The following CA8 variants were observed in gnomAD, a reference collection of about 807,000 sequenced individuals.
The protein encoded by CA8 is carbonic anhydrase-related protein.
In CA8, 22 loss-of-function variants were observed where a neutral mutation model predicts 41.4. That is an observed-to-expected ratio of 0.53 (90% CI 0.38 to 0.76). CA8 has a LOEUF of 0.76. Ranked by LOEUF, CA8 falls within the 30% of genes least tolerant of loss-of-function variation. CA8 has a pLI of 0.00. For synonymous variants in CA8, 121 were observed against 130.6 expected (o/e 0.93, Z 0.50); for missense variants, 270 against 352.8 (o/e 0.77, Z 1.88).
intron 7 of CA8, among the ~76,000 whole-genome samples, chr8:60,217,676 G>C (rs567525940): frequency 1.3e-5 from 2 of 152,282 alleles, no homozygotes; most frequent in African/African-American, 2.4e-5. Context: ...CATGAAGGCT[G>C]CTCTTCCTCC....
At chr8:60,245,608 AACTTATTTTAAAGG>A (rs1437206571) in intron 3 of CA8, among the ~76,000 whole-genome samples, 4 of 152,230 alleles carry the variant, frequency 2.6e-5, no homozygotes, top group African/African-American at 9.6e-5. Context: ...ATAGGCAATC[AACTTATTTTAAAGG>A]ACATTCTAGA....
At chr8:60,258,221 A>C (rs1398673783) in intron 3 of CA8, among the ~76,000 whole-genome samples, 1 of 152,226 alleles carries the variant, frequency 6.6e-6, no homozygotes, top group Non-Finnish European at 1.5e-5. Flanking sequence ...TTACTAAATA[A>C]CAGTCCTAAA....
intron 2 of CA8, among the ~76,000 whole-genome samples, chr8:60,275,274 T>C (rs868183730): frequency 6.6e-6 from 1 of 152,086 alleles, no homozygotes; most frequent in African/African-American, 2.4e-5. Flanking sequence ...GACTCATTCT[T>C]AAATAGGAAC....
chr8:60,252,527 G>C (rs1183830919), intron 3 of CA8, among the ~76,000 whole-genome samples: 3 of 152,186 alleles, frequency 2.0e-5, no homozygotes, highest in Admixed American at 1.3e-4. Context: ...TGGGGAGGGA[G>C]ATCAGCACTG....
At position 60,278,429 on chromosome 8, in the gene CA8, G is replaced by A. The variant is rs541359275; in HGVS notation, c.292+1260C>T. Among the ~76,000 whole-genome samples the A allele has an allele frequency of 5.9e-5, 9 of 152,212 alleles. No homozygotes were observed. The South Asian group carries it at 1.2e-3, about 21-fold the overall frequency. ...TGTGGATATATAAACATTTATTTCC[G>A]GAAGTTCAAAGCATCTCAACACATC... On this transcript the variant is annotated intron_variant, in intron 2 of 8. Coordinates refer to ENST00000317995, the MANE Select transcript of CA8 (RefSeq NM_004056.6).
chr8:60,242,342 A>G (rs1808058048), intron 3 of CA8, among the ~76,000 whole-genome samples: 1 of 152,168 alleles, frequency 6.6e-6, no homozygotes, highest in African/African-American at 2.4e-5. Flanking sequence ...TCAATTTAAC[A>G]AGAAGGAAAT....
intron 3 of CA8, among the ~76,000 whole-genome samples, chr8:60,253,979 G>A (rs1333401004): frequency 6.6e-6 from 1 of 152,166 alleles, no homozygotes; most frequent in Non-Finnish European, 1.5e-5. Context: ...CTGTGGCCTA[G>A]ATTATCTCTC....
At chr8:60,267,881 G>T (rs1339339792) in intron 2 of CA8, among the ~76,000 whole-genome samples, 1 of 152,138 alleles carries the variant, frequency 6.6e-6, no homozygotes, top group Non-Finnish European at 1.5e-5. Context: ...CACAGTGCAA[G>T]CTCACTTCAC....
intron 3 of CA8, among the ~76,000 whole-genome samples, chr8:60,234,752 C>T (rs1025258495): frequency 6.6e-6 from 1 of 152,108 alleles, no homozygotes; most frequent in Non-Finnish European, 1.5e-5. Flanking sequence ...TGAGTCTTGG[C>T]GGTTCCAGGG....
At position 60,275,119 on chromosome 8, in the gene CA8, G is replaced by A. The variant is rs575358981; in HGVS notation, c.292+4570C>T. Among the ~76,000 whole-genome samples, 24 of 152,060 alleles carry A rather than the reference G, an allele frequency of 1.6e-4. 1 individual carries two copies. Among genetic ancestry groups the A allele is most frequent in the Non-Finnish European group, 2.6e-4 (18 of 68,010 alleles). ...AACCCCAAAACAAAAACACAAACAG[G>A]AAACAAGCATATTCCAGATAAACCA... On this transcript the variant is annotated intron_variant, in intron 2 of 8. Coordinates refer to ENST00000317995, the MANE Select transcript of CA8 (RefSeq NM_004056.6).
At chr8:60,197,115 A>T (rs1806302175) in intron 8 of CA8, among the ~76,000 whole-genome samples, 2 of 152,180 alleles carry the variant, frequency 1.3e-5, no homozygotes, top group South Asian at 4.1e-4. Flanking sequence ...TATGGATTAC[A>T]ATAAAACTCT....
intron 3 of CA8, among the ~76,000 whole-genome samples, chr8:60,252,558 A>G (rs1405215445): frequency 6.6e-6 from 1 of 152,210 alleles, no homozygotes; most frequent in African/African-American, 2.4e-5. Flanking sequence ...GACTCAAATT[A>G]TACAAAGCAT....
chr8:60,237,278 TTCTCTGTC>T (rs1264710680), intron 3 of CA8, among the ~76,000 whole-genome samples: 10 of 152,238 alleles, frequency 6.6e-5, no homozygotes, highest in African/African-American at 2.4e-4. Flanking sequence ...ATTCACGCTT[TTCTCTGTC>T]TTCCCATAGT....
chr8:60,185,536 G>A lies in CA8; in HGVS notation c.*4485C>T, dbSNP rs992278736. On this transcript the variant is annotated 3_prime_UTR_variant, in exon 9 of 9. Coordinates refer to ENST00000317995, the MANE Select transcript of CA8 (RefSeq NM_004056.6). ...CTCACACCCAGATACATCATAGTAC[G>A]AAATCTGGGGCAGGGGGGAAACCAT... Among the ~76,000 whole-genome samples, 10 of 152,074 alleles carry A rather than the reference G, an allele frequency of 6.6e-5. No homozygotes were observed. Among genetic ancestry groups the A allele is most frequent in the Admixed American group, 2.0e-4 (3 of 15,278 alleles).
At chr8:60,269,703 C>G (rs143536938) in intron 2 of CA8, among the ~76,000 whole-genome samples, 34 of 152,282 alleles carry the variant, frequency 2.2e-4, no homozygotes, top group Middle Eastern at 3.4e-3. Context: ...GACTTCAAAG[C>G]TAAGTTTTGA....
intron 8 of CA8, among the ~76,000 whole-genome samples, chr8:60,202,799 C>T (rs1341484301): frequency 2.6e-5 from 4 of 152,098 alleles, no homozygotes; most frequent in South Asian, 4.1e-4. Context: ...TCTGCAATCT[C>T]GTATTATTAG....
intron 7 of CA8, among the ~76,000 whole-genome samples, chr8:60,217,468 A>C (rs1298960553): frequency 6.6e-6 from 1 of 152,098 alleles, no homozygotes; most frequent in East Asian, 1.9e-4. Flanking sequence ...TTCTCAAGAC[A>C]TTTCCTGGGG....
intron 2 of CA8, among the ~76,000 whole-genome samples, chr8:60,275,602 G>C (rs1167385661): frequency 6.6e-6 from 1 of 151,534 alleles, no homozygotes; most frequent in African/African-American, 2.4e-5. Flanking sequence ...AGAAGAGAAA[G>C]GGAAGAAGAA....
chr8:60,261,910 C>A (rs1247797638), intron 3 of CA8, among the ~76,000 whole-genome samples: 1 of 152,048 alleles, frequency 6.6e-6, no homozygotes, highest in Admixed American at 6.6e-5. Flanking sequence ...CGGGGTTCCA[C>A]CATATTAGCC....
Sources: allele counts gnomAD v4.1 joint callset (sites outside exome capture counted in the v4.1 genomes callset), GRCh38; gene constraint gnomAD v4.1.1; transcripts MANE v1.5; gene names NCBI Gene and HGNC (gene_info 2026-07-23, HGNC 2026-07-21).